POMZP3: variants seen among roughly 807,000 people sequenced by gnomAD.
POMZP3 encodes the protein POM121 and ZP3 fusion, also known as POM121 and ZP3 fusion protein.
POMZP3 carries 10 observed loss-of-function variants against 19.8 expected under a neutral mutation model. The ratio of observed to expected loss-of-function variants is 0.51; its 90% CI spans 0.31 to 0.86. The LOEUF is 0.86. POMZP3 is among the 40% of genes least tolerant of loss of function. POMZP3 has a pLI of 0.04. For synonymous variants in POMZP3, 57 were observed against 85.8 expected (o/e 0.66, Z 1.85); for missense variants, 152 against 228.1 (o/e 0.67, Z 2.15).
At chr7:76,616,300 G>T (rs1365189814) in intron 4 of POMZP3, among the ~76,000 whole-genome samples, 1 of 116,676 alleles carries the variant, frequency 8.6e-6, no homozygotes, top group Non-Finnish European at 1.8e-5. Context: ...AAAAAAAAAT[G>T]CTGGTGGTAG....
chr7:76,623,255 C>T (rs1242412912), intron 3 of POMZP3, among the ~76,000 whole-genome samples: 2 of 151,262 alleles, frequency 1.3e-5, no homozygotes, highest in Non-Finnish European at 2.9e-5. Context: ...ATTCTTAAAA[C>T]AGTCTTATGA....
At position 76,618,508 on chromosome 7, in the gene POMZP3, C is replaced by A. The variant is rs545148793; in HGVS notation, c.228-208G>T. ...GCAGCAGTGCACACCTGTAATCCACCTACTCGGGAGGCTGAGGCAGGAGAA... is the reference window on the plus strand; with the variant it reads ...GCAGCAGTGCACACCTGTAATCCACATACTCGGGAGGCTGAGGCAGGAGAA... On this transcript the variant is annotated intron_variant, in intron 3 of 6. Coordinates refer to ENST00000310842, the MANE Select transcript of POMZP3 (RefSeq NM_012230.5). 1.2e-3 allele frequency: 843 copies of A among 682,814 alleles called. No individual in the cohort carries two copies. The African/African-American group carries it at 0.014, about 11-fold the overall frequency. The allele number at this position is 682,814 out of a possible 1,614,324, so 42.3% of individuals were successfully genotyped here.
rs143516376 is a variant in POMZP3, at chr7:76,626,009, C to T, written c.56G>A (p.Arg19His). The part of the protein sequence containing the change: ...RIAPPDRRFS[R>H]SAIPEQIISS... Reference sequence around the variant, plus strand: ...CAACGATAATACTCACATCGCAGAACGCGAAAATCTTCTGTCAGGAGGGGC... The same window carrying T: ...CAACGATAATACTCACATCGCAGAATGCGAAAATCTTCTGTCAGGAGGGGC... The change falls in exon 2 of 7, where the codon CGT becomes CAT. Residue 19 changes from arginine (R) to histidine (H), a missense_variant. Physicochemically the swap from Arg to His is conservative, Grantham distance 29. Around this residue, in one of 4 missense-constraint regions of POMZP3, gnomAD observed 70 missense variants for 64.1 expected, o/e 1.09. Coordinates refer to ENST00000310842, the MANE Select transcript of POMZP3 (RefSeq NM_012230.5). 4.3e-6 allele frequency: 7 copies of T among 1,613,790 alleles called. No homozygotes were observed. Among genetic ancestry groups the T allele is most frequent in the African/African-American group, 1.3e-5 (1 of 75,018 alleles).
Position 76,615,673 on chromosome 7 carries a change from T to A in POMZP3, c.345+2510A>T, listed in dbSNP as rs1332383176. On this transcript the variant is annotated intron_variant, in intron 4 of 6. Transcript: ENST00000310842. ...TTCCAAGTAGAATAAGGTAGGTCAG[T>A]AGATGGAGGATAACAGTAAAATGCT... 4 of 82,698 alleles carry A rather than the reference T, an allele frequency of 4.8e-5. 2 individuals are homozygous for A. The highest frequency in any genetic ancestry group is 4.6e-4 in the Admixed American group (4 of 8,750). The allele number at this position is 82,698 out of a possible 1,614,324, so 5.1% of individuals were successfully genotyped here.
At chr7:76,611,399 T>C in intron 6 of POMZP3, 55 bp downstream of exon 6, 1 of 1,484,104 alleles carries the variant, frequency 6.7e-7, no homozygotes, top group South Asian at 1.3e-5. Flanking sequence ...TGACAGCAGG[T>C]ACCCTCAACT....
intron 3 of POMZP3, among the ~76,000 whole-genome samples, chr7:76,623,186 T>G (rs952337713): frequency 2.0e-4 from 10 of 50,184 alleles, no homozygotes; most frequent in South Asian, 1.7e-3. Flanking sequence ...TTGATTGTGG[T>G]TTTTTTTTTT....
chr7:76,619,441 C>T (rs1219569583), intron 3 of POMZP3, among the ~76,000 whole-genome samples: 1 of 151,056 alleles, frequency 6.6e-6, no homozygotes, highest in Non-Finnish European at 1.5e-5. Context: ...GGCAGTATCC[C>T]CACTCCCCAC....
intron 4 of POMZP3, among the ~76,000 whole-genome samples, chr7:76,614,882 A>C: frequency 2.0e-5 from 2 of 98,692 alleles, no homozygotes; most frequent in African/African-American, 4.3e-5. Flanking sequence ...AAAAAAGTAC[A>C]CAGGGTCTTG....
chr7:76,619,576 C>G (rs1318406197), intron 3 of POMZP3, among the ~76,000 whole-genome samples: 1 of 146,036 alleles, frequency 6.8e-6, no homozygotes, highest in East Asian at 2.0e-4. Flanking sequence ...AATTTTCCGC[C>G]TAGAGATGGT....
intron 3 of POMZP3, among the ~76,000 whole-genome samples, chr7:76,623,368 C>T (rs1005216942): frequency 3.3e-5 from 5 of 151,194 alleles, no homozygotes; most frequent in Non-Finnish European, 5.9e-5. Flanking sequence ...CAAAATGCAG[C>T]CTGATGAATG....
chr7:76,617,671 G>C (rs1297923309), intron 4 of POMZP3, among the ~76,000 whole-genome samples: 1 of 103,974 alleles, frequency 9.6e-6, no homozygotes, highest in African/African-American at 5.1e-5. Flanking sequence ...AAGCCTCCAG[G>C]AAGGCTAACA....
At chr7:76,610,847 G>A (rs566753734) in intron 6 of POMZP3, among the ~76,000 whole-genome samples, 1 of 147,608 alleles carries the variant, frequency 6.8e-6, no homozygotes, top group African/African-American at 2.5e-5. Context: ...AGGATTATAG[G>A]CACAACCCAC....
intron 3 of POMZP3, among the ~76,000 whole-genome samples, chr7:76,620,835 G>A (rs1815513396): frequency 7.0e-6 from 1 of 143,438 alleles, no homozygotes; most frequent in Admixed American, 7.1e-5. Flanking sequence ...GGGGAAGACT[G>A]GTTTACTCCT....
chr7:76,624,278 G>C (rs1016349393), intron 3 of POMZP3, among the ~76,000 whole-genome samples: 3 of 150,424 alleles, frequency 2.0e-5, no homozygotes, highest in Non-Finnish European at 4.4e-5. Context: ...GCCAGGCGTG[G>C]TGGCTCATGC....
At chr7:76,622,990 G>GCCTCT (rs1298661732) in intron 3 of POMZP3, among the ~76,000 whole-genome samples, 1 of 151,544 alleles carries the variant, frequency 6.6e-6, no homozygotes, top group Non-Finnish European at 1.5e-5. Context: ...TCCCACCTCA[G>GCCTCT]CCTCTGGAGC....
At chr7:76,624,535 T>C (rs1263293047) in intron 3 of POMZP3, among the ~76,000 whole-genome samples, 1 of 151,506 alleles carries the variant, frequency 6.6e-6, no homozygotes, top group African/African-American at 2.4e-5. Context: ...AACCTCCGCC[T>C]CCTGGGTTCA....
rs912376910 is a variant in POMZP3 at position 76,627,156 on chromosome 7, C to T, written c.-600G>A. The T allele has an allele frequency of 3.1e-5, 45 of 1,446,514 alleles. 4 individuals carry two copies. Among genetic ancestry groups the T allele is most frequent in the Non-Finnish European group, 3.8e-5 (41 of 1,091,392 alleles). The allele number at this position is 1,446,514 out of a possible 1,614,324, so 89.6% of individuals were successfully genotyped here. ...GCACGAGGTACAGTAGGAGGCCGAC[C>T]AGCGACAGGCCGAGAAGCGCCGCCC... On this transcript the variant is annotated 5_prime_UTR_variant, in exon 1 of 7. Transcript: ENST00000310842.
intron 3 of POMZP3, among the ~76,000 whole-genome samples, chr7:76,624,804 C>G (rs1257359206): frequency 2.0e-5 from 3 of 151,650 alleles, no homozygotes; most frequent in African/African-American, 4.8e-5. Flanking sequence ...TTTCATTTTT[C>G]TTTCCCAAGC....
intron 3 of POMZP3, among the ~76,000 whole-genome samples, chr7:76,622,128 A>G (rs1026891715): frequency 6.9e-6 from 1 of 145,926 alleles, no homozygotes; most frequent in Admixed American, 6.9e-5. Flanking sequence ...TGTGGTCTAA[A>G]AAGGGGAGGC....
Sources: allele counts gnomAD v4.1 joint callset (sites outside exome capture counted in the v4.1 genomes callset), GRCh38; gene constraint gnomAD v4.1.1; regional missense constraint gnomAD v4.1.1; transcripts MANE v1.5; gene names NCBI Gene and HGNC (gene_info 2026-07-23, HGNC 2026-07-21).